The following HS6ST3 variants were observed in gnomAD, a reference collection of about 807,000 sequenced individuals.
HS6ST3 encodes the protein heparan sulfate 6-O-sulfotransferase 3.
HS6ST3 carries 12 observed loss-of-function variants against 36.7 expected under a neutral mutation model. The ratio of observed to expected loss-of-function variants is 0.33; its 90% CI spans 0.21 to 0.53. The LOEUF is 0.53. HS6ST3 is among the 20% of genes least tolerant of loss of function. HS6ST3 has a pLI of 0.95. For synonymous variants in HS6ST3, 240 were observed against 257.5 expected, an observed-to-expected ratio of 0.93 and a Z score of 0.65; for missense variants, 584 against 640.9, an observed-to-expected ratio of 0.91 and a Z score of 0.96.
At chr13:96,602,675 C>T (rs1464765020) in intron 1 of HS6ST3, among the ~76,000 whole-genome samples, 2 of 152,160 alleles carry the variant, frequency 1.3e-5, no homozygotes, top group Non-Finnish European at 1.5e-5. Flanking sequence ...AGATCAAGTT[C>T]GCCATACTAT....
At chr13:96,832,385 T>G in intron 1 of HS6ST3, 105 bp from the exon 2 acceptor site, 5 of 777,990 alleles carry the variant, frequency 6.4e-6, no homozygotes, top group Non-Finnish European at 1.0e-5. Context: ...ACATGAACAT[T>G]TGGCAAAGAG....
intron 1 of HS6ST3, among the ~76,000 whole-genome samples, chr13:96,208,572 T>A (rs2054383473): frequency 6.6e-6 from 1 of 152,232 alleles, no homozygotes; most frequent in South Asian, 2.1e-4. Context: ...TTTTCTTTCT[T>A]TCTCATGACA....
At chr13:96,827,758 A>C (rs186582919) in intron 1 of HS6ST3, among the ~76,000 whole-genome samples, 1 of 152,312 alleles carries the variant, frequency 6.6e-6, no homozygotes, top group African/African-American at 2.4e-5. Flanking sequence ...TAAACTGAAT[A>C]AAGTTAAATT....
At chr13:96,715,249 G>A (rs1288445372) in intron 1 of HS6ST3, among the ~76,000 whole-genome samples, 1 of 151,946 alleles carries the variant, frequency 6.6e-6, no homozygotes, top group Non-Finnish European at 1.5e-5. Flanking sequence ...GTATTTTATG[G>A]ATTTATGCCT....
At chr13:96,173,753 A>G (rs550275373) in intron 1 of HS6ST3, among the ~76,000 whole-genome samples, 1 of 151,258 alleles carries the variant, frequency 6.6e-6, no homozygotes, top group South Asian at 2.1e-4. Context: ...TTTTCATTTT[A>G]ATTGGTGCCT....
chr13:96,558,619 A>G (rs2056250124), intron 1 of HS6ST3, among the ~76,000 whole-genome samples: 1 of 152,174 alleles, frequency 6.6e-6, no homozygotes, highest in Admixed American at 6.5e-5. Context: ...TATAGTACAA[A>G]GAGCTCAAGG....
intron 1 of HS6ST3, among the ~76,000 whole-genome samples, chr13:96,278,648 G>A (rs527652954): frequency 5.9e-5 from 9 of 152,098 alleles, no homozygotes; most frequent in East Asian, 1.9e-4. Context: ...TTGAAGTTTC[G>A]CATCAACTGC....
chr13:96,231,373 TA>T (rs2054507319), intron 1 of HS6ST3, among the ~76,000 whole-genome samples: 2 of 152,274 alleles, frequency 1.3e-5, no homozygotes, highest in South Asian at 4.1e-4. Context: ...ATAGGCAATT[TA>T]TAAAGAATAG....
At chr13:96,325,440 C>T (rs1051295641) in intron 1 of HS6ST3, among the ~76,000 whole-genome samples, 3 of 151,798 alleles carry the variant, frequency 2.0e-5, no homozygotes, top group East Asian at 1.9e-4. Flanking sequence ...AATAACAATA[C>T]GACAATAAAA....
At chr13:96,134,320 A>C (rs1283806001) in intron 1 of HS6ST3, among the ~76,000 whole-genome samples, 1 of 151,564 alleles carries the variant, frequency 6.6e-6, no homozygotes, top group Non-Finnish European at 1.5e-5. Flanking sequence ...TTTTTCTAAT[A>C]CTTTTAATAC....
intron 1 of HS6ST3, among the ~76,000 whole-genome samples, chr13:96,625,224 C>T (rs544746287): frequency 9.8e-5 from 15 of 152,290 alleles, no homozygotes; most frequent in Admixed American, 5.2e-4. Flanking sequence ...TCTCATGACA[C>T]TCGTGGGAAT....
chr13:96,763,217 G>GTA (rs1163183907), intron 1 of HS6ST3, among the ~76,000 whole-genome samples: 2 of 150,780 alleles, frequency 1.3e-5, no homozygotes, highest in South Asian at 2.1e-4. Context: ...TCAGACATAA[G>GTA]TATATATATG....
intron 1 of HS6ST3, among the ~76,000 whole-genome samples, chr13:96,822,990 C>G (rs761098485): frequency 6.6e-6 from 1 of 152,188 alleles, no homozygotes; most frequent in Non-Finnish European, 1.5e-5. Flanking sequence ...ATGTCACAAG[C>G]TCTAACCAGA....
chr13:96,831,179 T>A (rs1407389703), intron 1 of HS6ST3, among the ~76,000 whole-genome samples: 1 of 152,212 alleles, frequency 6.6e-6, no homozygotes, highest in Non-Finnish European at 1.5e-5. Context: ...ACACTCCCCT[T>A]GTCCTTTTAA....
At chr13:96,387,775 C>CTTTA (rs1180441160) in intron 1 of HS6ST3, among the ~76,000 whole-genome samples, 2 of 152,160 alleles carry the variant, frequency 1.3e-5, no homozygotes, top group Admixed American at 6.6e-5. Context: ...TTCCTTATCC[C>CTTTA]TTTATTTATT....
intron 1 of HS6ST3, among the ~76,000 whole-genome samples, chr13:96,155,738 A>C (rs2054107278): frequency 6.6e-6 from 1 of 152,220 alleles, no homozygotes; most frequent in Non-Finnish European, 1.5e-5. Context: ...GCAATTTATC[A>C]TACTATTTTT....
chr13:96,346,691 C>G (rs2055157299), intron 1 of HS6ST3, among the ~76,000 whole-genome samples: 1 of 152,156 alleles, frequency 6.6e-6, no homozygotes, highest in Admixed American at 6.5e-5. Flanking sequence ...ATGTTTTACA[C>G]TGACTGAGAC....
intron 1 of HS6ST3, among the ~76,000 whole-genome samples, chr13:96,198,156 A>G (rs1307124853): frequency 2.0e-5 from 3 of 152,208 alleles, no homozygotes; most frequent in Non-Finnish European, 4.4e-5. Context: ...CCTGAGCTAC[A>G]TGTTAGTCCC....
intron 1 of HS6ST3, among the ~76,000 whole-genome samples, chr13:96,612,217 TTCCTGCTTAGG>T (rs1188081968): frequency 5.3e-5 from 8 of 152,032 alleles, no homozygotes; most frequent in Non-Finnish European, 1.0e-4. Context: ...CAGGGTGAGG[TTCCTGCTTAGG>T]TCCTGAGAGT....
Sources: allele counts gnomAD v4.1 joint callset (sites outside exome capture counted in the v4.1 genomes callset), GRCh38; gene constraint gnomAD v4.1.1; transcripts MANE v1.5; gene names NCBI Gene and HGNC (gene_info 2026-07-23, HGNC 2026-07-21).